CTNNB1: variants seen among roughly 807,000 people sequenced by gnomAD.
CTNNB1 encodes the protein catenin beta 1, also known as catenin beta-1.
Under a neutral mutation model 82.5 loss-of-function variants are expected in CTNNB1, and 6 were observed. The ratio of observed to expected loss-of-function variants is 0.07; its 90% CI spans 0.04 to 0.14. The LOEUF (loss-of-function observed/expected upper bound fraction) is 0.14. CTNNB1 is among the 10% of genes least tolerant of loss of function. The pLI is 1.00. For missense variants in CTNNB1, 529 were observed against 980.4 expected, an observed-to-expected ratio of 0.54 and a Z score of 6.15; for synonymous variants, 312 against 329.7, an observed-to-expected ratio of 0.95 and a Z score of 0.58.
In CTNNB1 at chr3:41,225,267, G is replaced by C. The variant is rs2125621664; in HGVS notation, c.495+60G>C. ...TTGAAGTAAATGCTCAAGGGGAGTAGTTTCAGAATGTCTACCCAATACCAG... is the reference window on the plus strand; with the variant it reads ...TTGAAGTAAATGCTCAAGGGGAGTACTTTCAGAATGTCTACCCAATACCAG... On this transcript the variant is annotated intron_variant, in intron 4 of 14. Coordinates refer to ENST00000349496, the MANE Select transcript of CTNNB1 (RefSeq NM_001904.4). This position sits in a 1 kb window ranked among gnomAD's most constrained non-coding sequence, Gnocchi z 5.3. 3.1e-6 allele frequency: 5 copies of C among 1,613,846 alleles called. No individual in the cohort carries two copies. The highest frequency in any genetic ancestry group is 4.2e-6 in the Non-Finnish European group (5 of 1,179,816).
chr3:41,208,498 T>C (rs886819969), intron 1 of CTNNB1, among the ~76,000 whole-genome samples: 1 of 152,218 alleles, frequency 6.6e-6, no homozygotes, highest in African/African-American at 2.4e-5. Flanking sequence ...CTAATTCCTC[T>C]AGTAAATACG....
intron 7 of CTNNB1, among the ~76,000 whole-genome samples, chr3:41,227,835 A>C (rs1285174895): frequency 6.6e-6 from 1 of 152,160 alleles, no homozygotes; most frequent in Non-Finnish European, 1.5e-5. Flanking sequence ...TCACCCAGGC[A>C]GTAAGTATTG....
At chr3:41,231,085 T>C (rs2125634124) in intron 7 of CTNNB1, among the ~76,000 whole-genome samples, 1 of 152,124 alleles carries the variant, frequency 6.6e-6, no homozygotes, top group Middle Eastern at 3.2e-3. Context: ...TCCAGCACTT[T>C]GGGAGGCTGA....
At position 41,239,519 on chromosome 3, in the gene CTNNB1, C is replaced by T. The variant is rs993480127; in HGVS notation, c.*177C>T. 4 of 635,856 alleles carry T rather than the reference C, an allele frequency of 6.3e-6. No individual in the cohort carries two copies. The highest frequency in any genetic ancestry group is 1.8e-5 in the African/African-American group (1 of 55,006). 39.4% of individuals were successfully genotyped at this position (635,856 alleles called of 1,614,324 possible). A position where few individuals can be genotyped will look rare whatever the true frequency, so the allele number is the denominator to read the frequency against. On this transcript the variant is annotated 3_prime_UTR_variant, in exon 15 of 15. Transcript: ENST00000349496. ...AGATGTCTTGGAACATTGGAATGTT[C>T]TCAGATTTCTGGTTGTTATGTGATC...
chr3:41,237,715 TTTTA>T, intron 13 of CTNNB1: 1 of 189,100 alleles, frequency 5.3e-6, no homozygotes, highest in Non-Finnish European at 1.1e-5. Flanking sequence ...TTTTTTTTTT[TTTTA>T]AACTGCTATA....
Position 41,235,783 on chromosome 3 carries a change from T to C in CTNNB1, c.1743T>C (p.Ala581=), listed in dbSNP as rs2078421100. ...GTACCGGAGCCCTTCACATCCTAGC[T>C]CGGGATGTTCACAACCGAATTGTTA... is the stretch of plus-strand genomic sequence containing the variant. The part of the protein sequence containing the change: ...EGCTGALHIL[A]RDVHNRIVIR... The change falls in exon 11 of 15, where the codon GCT becomes GCC. Residue 581 remains alanine, a synonymous_variant. Transcript: ENST00000349496. 1 of 1,613,724 alleles carries C rather than the reference T, an allele frequency of 6.2e-7. No homozygotes were observed. The highest frequency in any genetic ancestry group is 1.3e-5 in the African/African-American group (1 of 74,908).
Position 41,239,294 on chromosome 3 carries a change from G to A in CTNNB1, c.2298G>A (p.Leu766=). 6.2e-7 allele frequency: 1 copy of A among 1,614,166 alleles called. No individual in the cohort carries two copies. Among genetic ancestry groups the A allele is most frequent in the Non-Finnish European group, 8.5e-7 (1 of 1,180,030 alleles). The part of the protein sequence containing the change: ...LGHAQDLMDG[L]PPGDSNQLAW... ...ATGCCCAGGACCTCATGGATGGGCTGCCTCCAGGTGACAGCAATCAGCTGG... is the reference window on the plus strand; with the variant it reads ...ATGCCCAGGACCTCATGGATGGGCTACCTCCAGGTGACAGCAATCAGCTGG... The change falls in exon 15 of 15, where the codon CTG becomes CTA. Residue 766 remains leucine, a synonymous_variant. Transcript: ENST00000349496.
intron 6 of CTNNB1, among the ~76,000 whole-genome samples, chr3:41,226,064 G>A (rs1235234135): frequency 1.3e-5 from 2 of 151,948 alleles, no homozygotes; most frequent in African/African-American, 2.4e-5. Context: ...CATAGGGAGC[G>A]TGCAGCCTAG....
At chr3:41,202,069 G>C (rs1230675601) in intron 1 of CTNNB1, among the ~76,000 whole-genome samples, 1 of 152,170 alleles carries the variant, frequency 6.6e-6, no homozygotes, top group Non-Finnish European at 1.5e-5. Flanking sequence ...TGAAACTAGG[G>C]ATGTAGAGAA....
rs2125640881 is a variant in CTNNB1, at chr3:41,233,856, C to T, written c.1513C>T (p.Pro505Ser). 6.2e-7 allele frequency: 1 copy of T among 1,613,904 alleles called. No individual in the cohort carries two copies. The highest frequency in any genetic ancestry group is 8.5e-7 in the Non-Finnish European group (1 of 1,179,900). The change falls in exon 9 of 15, where the codon CCT becomes TCT. Residue 505 changes from proline to serine, a missense_variant. This residue lies in a region of CTNNB1 where 411 missense variants were observed against 776.4 expected (regional missense o/e 0.53). Transcript: ENST00000349496. ...GCTCTTACACCCACCATCCCACTGG[C>T]CTCTGATAAAGGTAAATTGTCAAAG... The part of the protein sequence containing the change: ...VKLLHPPSHW[P>S]LIKATVGLIR...
intron 1 of CTNNB1, among the ~76,000 whole-genome samples, chr3:41,209,829 T>C (rs551631839): frequency 6.6e-6 from 1 of 152,318 alleles, no homozygotes; most frequent in East Asian, 1.9e-4. Flanking sequence ...GCTTGCAGGA[T>C]ATGTTGCTCT....
chr3:41,224,494 C>T (rs2125616451), intron 2 of CTNNB1, 32 bp from the exon 3 acceptor site: 1 of 1,555,636 alleles, frequency 6.4e-7, no homozygotes, highest in Non-Finnish European at 8.9e-7. Context: ...CATTTCCAAT[C>T]TACTAATGCT....
At chr3:41,214,849 GTGAA>G (rs2077878416) in intron 1 of CTNNB1, among the ~76,000 whole-genome samples, 1 of 152,004 alleles carries the variant, frequency 6.6e-6, no homozygotes, top group African/African-American at 2.4e-5. Context: ...TTCAGTTTCT[GTGAA>G]TGAAGTTTTA....
At position 41,225,689 on chromosome 3, in the gene CTNNB1, C is replaced by T; in HGVS notation, c.764C>T (p.Ala255Val). The T allele has an allele frequency of 1.2e-6, 2 of 1,614,074 alleles. No individual in the cohort carries two copies. The highest frequency in any genetic ancestry group is 1.7e-6 in the Non-Finnish European group (2 of 1,179,974). Residue 255 changes from alanine (A) to valine (V), a missense_variant, in exon 6 of 15, where the codon GCC becomes GTC. By Grantham distance (64) the Ala-to-Val change is moderately conservative. Coordinates refer to ENST00000349496, the MANE Select transcript of CTNNB1 (RefSeq NM_001904.4). The surrounding 1 kb of genome is among the most constrained non-coding windows in gnomAD (Gnocchi z 5.3). ...GSPVDSVLFY[A>V]ITTLHNLLLH... ...CCAGTGGATTCTGTGTTGTTTTATG[C>T]CATTACAACTCTCCACAACCTTTTA... is the stretch of plus-strand genomic sequence containing the variant.
At chr3:41,234,832 A>G (rs2078396862) in intron 10 of CTNNB1, 1 of 170,014 alleles carries the variant, frequency 5.9e-6, no homozygotes, top group African/African-American at 2.4e-5. Context: ...AAGTAGCTTC[A>G]TTAAAAGTAT....
chr3:41,218,869 T>C (rs2125607291), intron 1 of CTNNB1, among the ~76,000 whole-genome samples: 1 of 152,322 alleles, frequency 6.6e-6, no homozygotes, highest in South Asian at 2.1e-4. Flanking sequence ...ATTGCAGCCA[T>C]ATTTAATACT....
intron 1 of CTNNB1, among the ~76,000 whole-genome samples, chr3:41,212,152 T>C (rs1202048785): frequency 3.3e-5 from 5 of 152,356 alleles, no homozygotes; most frequent in Admixed American, 2.6e-4. Context: ...CTTGGTCATA[T>C]GATTTTCATT....
rs531886039 is a variant in CTNNB1 at position 41,236,983 on chromosome 3, T to G, written c.2076+274T>G. 7 of 579,274 alleles carry G rather than the reference T, an allele frequency of 1.2e-5. 1 individual carries two copies. The South Asian group carries it at 1.6e-4, about 13-fold the overall frequency. 35.9% of individuals were successfully genotyped at this position (579,274 alleles called of 1,614,324 possible). A position where few individuals can be genotyped will look rare whatever the true frequency, so the allele number is the denominator to read the frequency against. On this transcript the variant is annotated intron_variant, in intron 13 of 14. Transcript: ENST00000349496. ...AAAAATGTTACCAGATTAAAGAAGA[T>G]TTTTCAAAAGGATGTAAGGAAAGAG...
rs1228705629 is a variant in CTNNB1, at chr3:41,239,806, C to G, written c.*464C>G. ...TTGAAGTAAACTTTTTGTTCTGGTC[C>G]TTTTTGGTCGAGGAGTAACAATACA... is the stretch of plus-strand genomic sequence containing the variant. On this transcript the variant is annotated 3_prime_UTR_variant, in exon 15 of 15. Transcript: ENST00000349496. 7.2e-6 allele frequency: 2 copies of G among 276,790 alleles called. No individual in the cohort carries two copies. Among genetic ancestry groups the G allele is most frequent in the African/African-American group, 4.4e-5 (2 of 45,962 alleles). The allele number at this position is 276,790 out of a possible 1,614,324, so 17.1% of individuals were successfully genotyped here. A position where few individuals can be genotyped will look rare whatever the true frequency, so the allele number is the denominator to read the frequency against.
Sources: allele counts gnomAD v4.1 joint callset (sites outside exome capture counted in the v4.1 genomes callset), GRCh38; gene constraint gnomAD v4.1.1; regional missense constraint gnomAD v4.1.1; non-coding constraint Gnocchi (gnomAD v3.1); transcripts MANE v1.5; gene names NCBI Gene and HGNC (gene_info 2026-07-23, HGNC 2026-07-21).